PPM1E: variants seen among roughly 807,000 people sequenced by gnomAD.
PPM1E encodes the protein protein phosphatase, Mg2+/Mn2+ dependent 1E.
PPM1E carries 20 observed loss-of-function variants against 65.9 expected under a neutral mutation model. That is an observed-to-expected ratio of 0.30 (90% CI 0.21 to 0.44). The LOEUF (loss-of-function observed/expected upper bound fraction) is 0.44, where lower values mean the gene tolerates loss of function less well. Among genes scored for constraint, PPM1E ranks in the 20% least tolerant of loss-of-function variants. The pLI is 1.00. For synonymous variants in PPM1E, 352 were observed against 374.9 expected, an observed-to-expected ratio of 0.94 and a Z score of 0.70; for missense variants, 713 against 953.1, an observed-to-expected ratio of 0.75 and a Z score of 3.32.
intron 1 of PPM1E, among the ~76,000 whole-genome samples, chr17:58,885,117 C>A (rs138060869): frequency 1.3e-5 from 2 of 152,070 alleles, no homozygotes; most frequent in Non-Finnish European, 2.9e-5. Context: ...AGTGCAGTGG[C>A]GTGATCTCGG....
At chr17:58,915,467 C>T (rs373613482) in intron 1 of PPM1E, among the ~76,000 whole-genome samples, 11 of 152,230 alleles carry the variant, frequency 7.2e-5, no homozygotes, top group Admixed American at 1.3e-4. Flanking sequence ...TGTCTTGTGC[C>T]GACCTCCTCT....
Position 58,764,703 on chromosome 17 carries a change from G to T in PPM1E, c.464+8242G>T, listed in dbSNP as rs116235397. Among the ~76,000 whole-genome samples the T allele has an allele frequency of 9.0e-3, 1,373 of 151,846 alleles. 19 individuals carry two copies. Among genetic ancestry groups the T allele is most frequent in the African/African-American group, 0.031 (1,287 of 41,434 alleles). ...CTCAATCATGGCTCATTGCATCCTT[G>T]ACTTCCCAAGCTCCCAAGTAGCTGG... On this transcript the variant is annotated intron_variant, in intron 1 of 6. Transcript: ENST00000308249.
intron 1 of PPM1E, among the ~76,000 whole-genome samples, chr17:58,838,042 A>C (rs945971427): frequency 6.6e-6 from 1 of 152,220 alleles, no homozygotes; most frequent in Non-Finnish European, 1.5e-5. Flanking sequence ...TGTCACAAAA[A>C]CTAACTTAAA....
At chr17:58,786,507 G>T (rs2050102535) in intron 1 of PPM1E, among the ~76,000 whole-genome samples, 1 of 152,188 alleles carries the variant, frequency 6.6e-6, no homozygotes, top group Non-Finnish European at 1.5e-5. Context: ...CTGGTAGCAT[G>T]CACAGCATAG....
chr17:58,775,086 C>T (rs1025141656), intron 1 of PPM1E, among the ~76,000 whole-genome samples: 5 of 152,094 alleles, frequency 3.3e-5, no homozygotes, highest in African/African-American at 4.8e-5. Context: ...CTCTTGATCA[C>T]GTGATCCAGC....
At chr17:58,902,157 TA>T (rs530070359) in intron 1 of PPM1E, among the ~76,000 whole-genome samples, 2 of 151,688 alleles carry the variant, frequency 1.3e-5, no homozygotes, top group Admixed American at 6.6e-5. Context: ...GAGAAAAAAT[TA>T]AAAAAAATAG....
chr17:58,968,704 A>C (rs145851282), intron 3 of PPM1E, among the ~76,000 whole-genome samples: 3 of 152,358 alleles, frequency 2.0e-5, no homozygotes, highest in African/African-American at 7.2e-5. Flanking sequence ...CCTAAGTGAG[A>C]CAGATCTGAG....
chr17:58,819,872 A>C (rs2143132113), intron 1 of PPM1E, among the ~76,000 whole-genome samples: 1 of 152,128 alleles, frequency 6.6e-6, no homozygotes, highest in South Asian at 2.1e-4. Flanking sequence ...CCCTGTCTCT[A>C]CTAAAACTAC....
At chr17:58,811,376 T>C (rs35010341) in intron 1 of PPM1E, among the ~76,000 whole-genome samples, 6,357 of 152,270 alleles carry the variant, frequency 0.042, 196 homozygotes, top group Non-Finnish European at 0.062. Flanking sequence ...TACCATAAAA[T>C]AGGACTCTGC....
chr17:58,858,962 A>G (rs886386304), intron 1 of PPM1E, among the ~76,000 whole-genome samples: 5 of 152,198 alleles, frequency 3.3e-5, no homozygotes, highest in Non-Finnish European at 7.4e-5. Flanking sequence ...TAGTTATGTC[A>G]TTGTCAACCT....
At chr17:58,804,497 T>G (rs569194238) in intron 1 of PPM1E, among the ~76,000 whole-genome samples, 4 of 152,290 alleles carry the variant, frequency 2.6e-5, no homozygotes, top group Non-Finnish European at 4.4e-5. Flanking sequence ...CATACACTTT[T>G]GGAAGACATG....
chr17:58,810,749 C>T (rs1393161781), intron 1 of PPM1E, among the ~76,000 whole-genome samples: 1 of 152,078 alleles, frequency 6.6e-6, no homozygotes, highest in Non-Finnish European at 1.5e-5. Flanking sequence ...TTGAACTGTT[C>T]TATAAAGAAA....
intron 1 of PPM1E, among the ~76,000 whole-genome samples, chr17:58,851,169 C>T (rs970629216): frequency 3.9e-5 from 6 of 152,044 alleles, no homozygotes; most frequent in African/African-American, 4.8e-5. Context: ...TCTAGTTAGC[C>T]GTTCATCTAA....
intron 1 of PPM1E, among the ~76,000 whole-genome samples, chr17:58,813,095 G>A (rs939713904): frequency 3.3e-5 from 5 of 152,050 alleles, no homozygotes; most frequent in Admixed American, 3.3e-4. Flanking sequence ...AAGATATGAT[G>A]TTCATTATTG....
intron 6 of PPM1E, among the ~76,000 whole-genome samples, chr17:58,976,394 G>A (rs990870234): frequency 6.6e-6 from 1 of 152,174 alleles, no homozygotes; most frequent in African/African-American, 2.4e-5. Flanking sequence ...AGTAGCTTAA[G>A]TGGATGAGGG....
intron 1 of PPM1E, among the ~76,000 whole-genome samples, chr17:58,852,981 A>G (rs2050843514): frequency 6.6e-6 from 1 of 151,968 alleles, no homozygotes; most frequent in Admixed American, 6.6e-5. Flanking sequence ...TGGTTTTTAT[A>G]TTGTTGAGTT....
At chr17:58,775,895 T>C (rs12952789) in intron 1 of PPM1E, among the ~76,000 whole-genome samples, 2 of 107,436 alleles carry the variant, frequency 1.9e-5, no homozygotes, top group Non-Finnish European at 3.4e-5. Context: ...CAGTCCGGCC[T>C]GGGCGACAGA....
At chr17:58,925,184 A>G (rs903843961) in intron 1 of PPM1E, among the ~76,000 whole-genome samples, 3 of 151,858 alleles carry the variant, frequency 2.0e-5, no homozygotes, top group Non-Finnish European at 4.4e-5. Flanking sequence ...ACTAATTTAC[A>G]CTCCCACCAA....
At chr17:58,891,576 A>G (rs1357256977) in intron 1 of PPM1E, among the ~76,000 whole-genome samples, 4 of 150,968 alleles carry the variant, frequency 2.6e-5, no homozygotes, top group South Asian at 2.1e-4. Flanking sequence ...ACCCATCTCA[A>G]CTGCCCAAAG....
Sources: allele counts gnomAD v4.1 joint callset (sites outside exome capture counted in the v4.1 genomes callset), GRCh38; gene constraint gnomAD v4.1.1; transcripts MANE v1.5; gene names NCBI Gene and HGNC (gene_info 2026-07-23, HGNC 2026-07-21).